FUNDC1: variants seen among roughly 807,000 people sequenced by gnomAD.
FUNDC1 encodes the protein FUN14 domain containing 1, also known as FUN14 domain-containing protein 1.
FUNDC1 carries 10 observed loss-of-function variants against 14.5 expected under a neutral mutation model. The ratio of observed to expected loss-of-function variants is 0.69; its 90% CI spans 0.43 to 1.17. The LOEUF (loss-of-function observed/expected upper bound fraction) is 1.17. Ranked by LOEUF, FUNDC1 falls within the 50% of genes most tolerant of loss-of-function variation. The pLI, the probability that FUNDC1 is intolerant of heterozygous loss-of-function variation, is 0.00. For synonymous variants in FUNDC1, 33 were observed against 39.7 expected (o/e 0.83, Z 0.64); for missense variants, 115 against 113.8 (o/e 1.01, Z -0.05).
At chrX:44,529,105 T>C (rs1207583100) in intron 3 of FUNDC1, among the ~76,000 whole-genome samples, 1 of 111,385 alleles carries the variant, frequency 9.0e-6, no homozygotes, top group African/African-American at 3.3e-5. Context: ...CTAATCTTCA[T>C]GCCATGAGTT....
At position 44,531,309 on chromosome X, in the gene FUNDC1, TG is replaced by T. The variant is rs1455230886; in HGVS notation, c.262-3945del. Among the ~76,000 whole-genome samples the T allele has an allele frequency of 0.01, 287 of 28,226 alleles. 36 individuals carry two copies. In the African/African-American group the frequency reaches 0.13, roughly 12 times the overall value. The allele number at this position is 28,226 out of a possible 115,157, so 24.5% of individuals were successfully genotyped here. A position where few individuals can be genotyped will look rare whatever the true frequency, so the allele number is the denominator to read the frequency against. ...ACGGCTTTCAGATGAAGATTCATGT[TG>T]GCCAGACACACACACACACACACAC... On this transcript the variant is annotated intron_variant, in intron 3 of 4. Coordinates refer to ENST00000378045, the MANE Select transcript of FUNDC1 (RefSeq NM_173794.4).
intron 1 of FUNDC1, 60 bp downstream of exon 1, chrX:44,542,745 G>A (rs748998526): frequency 1.8e-6 from 2 of 1,088,231 alleles, no homozygotes; most frequent in East Asian, 3.4e-5. Context: ...GGTGCCATAG[G>A]AGCAAGGTCG....
chrX:44,531,205 TG>T (rs1432647506), intron 3 of FUNDC1, among the ~76,000 whole-genome samples: 3 of 105,827 alleles, frequency 2.8e-5, no homozygotes, highest in African/African-American at 1.0e-4. Context: ...GTCACGCCAC[TG>T]CACTCCAGCC....
chrX:44,542,850 A>G lies in FUNDC1; in HGVS notation c.-18T>C. 1 of 1,165,010 alleles carries G rather than the reference A, an allele frequency of 8.6e-7. No individual in the cohort carries two copies. Among genetic ancestry groups the G allele is most frequent in the Non-Finnish European group, 1.1e-6 (1 of 871,147 alleles). On this transcript the variant is annotated 5_prime_UTR_variant, in exon 1 of 5. Coordinates refer to ENST00000378045, the MANE Select transcript of FUNDC1 (RefSeq NM_173794.4). ...GTCGCCATGATACCGCCAGCGGCCA[A>G]TTCTGGAGTGGTCCCCACCCGCCCT...
At chrX:44,527,422 A>C in intron 3 of FUNDC1, 57 bp from the exon 4 acceptor site, 2 of 872,253 alleles carry the variant, frequency 2.3e-6, no homozygotes, top group Non-Finnish European at 3.2e-6. Flanking sequence ...GCTGACTATA[A>C]TAGCCAAGAA....
At chrX:44,527,733 A>T (rs1384739187) in intron 3 of FUNDC1, among the ~76,000 whole-genome samples, 1 of 112,099 alleles carries the variant, frequency 8.9e-6, no homozygotes, top group Non-Finnish European at 1.9e-5. Context: ...TGGAATAGGG[A>T]ATTAGTTAAA....
chrX:44,530,713 C>T (rs1286369271), intron 3 of FUNDC1, among the ~76,000 whole-genome samples: 4 of 110,689 alleles, frequency 3.6e-5, no homozygotes, highest in African/African-American at 1.3e-4. Context: ...GCCAGGAGTT[C>T]GAGATCAGCC....
At position 44,541,933 on chromosome X, in the gene FUNDC1, CG is replaced by C; in HGVS notation, c.185+11del. The C allele has an allele frequency of 8.4e-7, 1 of 1,195,711 alleles. No homozygotes were observed. Among genetic ancestry groups the C allele is most frequent in the Non-Finnish European group, 1.1e-6 (1 of 887,998 alleles). ...CCCAAATGAAATTTAATGAAAAAGA[CG>C]TTGTTCTCACCAGCCAGTAACGCCA... is the stretch of plus-strand genomic sequence containing the variant. On this transcript the variant is annotated intron_variant, in intron 2 of 4. Coordinates refer to ENST00000378045, the MANE Select transcript of FUNDC1 (RefSeq NM_173794.4).
intron 3 of FUNDC1, among the ~76,000 whole-genome samples, chrX:44,528,652 T>C (rs2038910921): frequency 8.8e-6 from 1 of 113,155 alleles, no homozygotes; most frequent in Non-Finnish European, 1.9e-5. Context: ...AGTACAAATA[T>C]TTTATGTATG....
chrX:44,531,321 C>CAG (rs2038924356), intron 3 of FUNDC1, among the ~76,000 whole-genome samples: 3 of 41,269 alleles, frequency 7.3e-5, no homozygotes, highest in Non-Finnish European at 1.1e-4. Context: ...GCCAGACACA[C>CAG]ACACACACAC....
rs181128085 is a variant in FUNDC1 at position 44,533,440 on chromosome X, T to A, written c.261+5027A>T. 6.7e-3 allele frequency among the ~76,000 whole-genome samples: 729 copies of A among 108,216 alleles called. 10 individuals are homozygous for A. The highest frequency in any genetic ancestry group is 0.024 in the African/African-American group (701 of 29,678). The allele number at this position is 108,216 out of a possible 115,157, so 94.0% of individuals were successfully genotyped here. A position where few individuals can be genotyped will look rare whatever the true frequency, so the allele number is the denominator to read the frequency against. ...GTCAGGAGATCGAGACCATCCTGGC[T>A]AACACAATGAAACCCTGTCTCTACT... is the stretch of plus-strand genomic sequence containing the variant. On this transcript the variant is annotated intron_variant, in intron 3 of 4. Coordinates refer to ENST00000378045, the MANE Select transcript of FUNDC1 (RefSeq NM_173794.4).
At chrX:44,531,685 A>C (rs775213536) in intron 3 of FUNDC1, among the ~76,000 whole-genome samples, 5 of 108,177 alleles carry the variant, frequency 4.6e-5, no homozygotes, top group African/African-American at 1.7e-4. Context: ...CTAGAAACCA[A>C]AATAAACAAG....
chrX:44,530,762 C>T (rs555837613), intron 3 of FUNDC1, among the ~76,000 whole-genome samples: 7 of 105,929 alleles, frequency 6.6e-5, no homozygotes, highest in South Asian at 4.1e-4. Context: ...AAACTAAAAA[C>T]ACAAAAAACT....
chrX:44,531,343 C>G (rs1254486647), intron 3 of FUNDC1, among the ~76,000 whole-genome samples: 2 of 78,433 alleles, frequency 2.5e-5, no homozygotes, highest in Non-Finnish European at 4.4e-5. Context: ...CACACACACA[C>G]ACACACACAC....
At chrX:44,525,553 C>A (rs752089184) in intron 4 of FUNDC1, among the ~76,000 whole-genome samples, 1 of 110,561 alleles carries the variant, frequency 9.0e-6, no homozygotes, top group South Asian at 3.9e-4. Context: ...TTAATATGAA[C>A]TGCATATTAG....
intron 3 of FUNDC1, among the ~76,000 whole-genome samples, chrX:44,532,863 A>AT (rs1031554321): frequency 3.6e-5 from 4 of 111,541 alleles, no homozygotes; most frequent in Non-Finnish European, 7.5e-5. Context: ...AAATATGTAT[A>AT]TTTTTGCTTT....
intron 2 of FUNDC1, among the ~76,000 whole-genome samples, chrX:44,539,246 T>C (rs1473498256): frequency 8.9e-6 from 1 of 112,209 alleles, no homozygotes; most frequent in Non-Finnish European, 1.9e-5. Flanking sequence ...GCATTCCAGA[T>C]CCACACTGTG....
chrX:44,532,557 A>AT (rs1281101001), intron 3 of FUNDC1, among the ~76,000 whole-genome samples: 2,398 of 99,992 alleles, frequency 0.024, 93 homozygotes, highest in African/African-American at 0.084. Flanking sequence ...ATATATATAT[A>AT]TTTTTTTTTT....
At chrX:44,532,523 A>G (rs2038930106) in intron 3 of FUNDC1, among the ~76,000 whole-genome samples, 1 of 106,168 alleles carries the variant, frequency 9.4e-6, no homozygotes, top group Non-Finnish European at 1.9e-5. Flanking sequence ...AGGCTTAAAT[A>G]TATATATGTG....
Sources: gnomAD v4.1 joint callset for allele counts (sites outside exome capture counted in the v4.1 genomes callset) on GRCh38, gnomAD v4.1.1 for gene constraint, MANE v1.5 for transcripts, NCBI Gene and HGNC (gene_info 2026-07-23, HGNC 2026-07-21) for gene names.